Variants in PCDHGA7 observed in about 807,000 individuals in gnomAD.
PCDHGA7 encodes the protein protocadherin gamma subfamily A, 7.
PCDHGA7 carries 44 observed loss-of-function variants against 58.3 expected under a neutral mutation model. The ratio of observed to expected loss-of-function variants is 0.75; its 90% CI spans 0.59 to 0.97. PCDHGA7 has a LOEUF of 0.97. PCDHGA7 is among the 50% of genes least tolerant of loss of function. PCDHGA7 has a pLI of 0.00. For synonymous variants in PCDHGA7, 516 were observed against 504.2 expected (o/e 1.02, Z -0.31); for missense variants, 1,266 against 1,188.7 (o/e 1.06, Z -0.96).
intron 1 of PCDHGA7, among the ~76,000 whole-genome samples, chr5:141,434,831 A>T (rs1328843764): frequency 6.6e-6 from 1 of 151,904 alleles, no homozygotes; most frequent in East Asian, 1.9e-4. Flanking sequence ...TACACTTGGC[A>T]TTTATAAAGC....
rs1417754081 is a variant in PCDHGA7, at chr5:141,512,046, T to C, written c.*873T>C. 1 of 152,746 alleles carries C rather than the reference T, an allele frequency of 6.5e-6. No individual in the cohort carries two copies. Among genetic ancestry groups the C allele is most frequent in the East Asian group, 1.9e-4 (1 of 5,190 alleles). 9.5% of individuals were successfully genotyped at this position (152,746 alleles called of 1,614,324 possible). Reference sequence around the variant, plus strand: ...GCCTTGGAGGAGGCTCTGTATGTCCTCAGGGGACTGACAACATCCTCCAGA... The same window carrying C: ...GCCTTGGAGGAGGCTCTGTATGTCCCCAGGGGACTGACAACATCCTCCAGA... On this transcript the variant is annotated 3_prime_UTR_variant, in exon 4 of 4. Transcript: ENST00000518325.
intron 1 of PCDHGA7, chr5:141,408,411 C>T (rs2095101928): frequency 1.2e-6 from 2 of 1,614,034 alleles, no homozygotes; most frequent in African/African-American, 1.3e-5. Context: ...CGAGTGAGCG[C>T]GGAGAAGCTG....
At chr5:141,441,554 G>T (rs3805698) in intron 1 of PCDHGA7, 21,236 of 192,824 alleles carry the variant, frequency 0.11, 1,386 homozygotes, top group African/African-American at 0.18. Flanking sequence ...TCCATAGTGT[G>T]CAAGTAGACA....
Position 141,476,110 on chromosome 5 carries a change from G to A in PCDHGA7, c.2425-18697G>A. ...GACCCCGCTGAGAGGAACTGCTTTT[G>A]AGTGAGATGGTCCCAGAGGCCTGGA... On this transcript the variant is annotated intron_variant, in intron 1 of 3. Transcript: ENST00000518325. The surrounding 1 kb of genome is among the most constrained non-coding windows in gnomAD (Gnocchi z 7.6). 1.9e-6 allele frequency: 3 copies of A among 1,589,382 alleles called. No homozygotes were observed. The highest frequency in any genetic ancestry group is 2.6e-6 in the Non-Finnish European group (3 of 1,170,364).
chr5:141,421,174 C>T (rs2096550677), intron 1 of PCDHGA7: 2 of 1,378,742 alleles, frequency 1.5e-6, no homozygotes, highest in Non-Finnish European at 1.9e-6. Flanking sequence ...ATACATAAGC[C>T]GATTCACAAC....
chr5:141,511,373 G>T lies in PCDHGA7; in HGVS notation c.*200G>T. On this transcript the variant is annotated 3_prime_UTR_variant, in exon 4 of 4. Transcript: ENST00000518325. ...CCCCCAGGGGGTTGAATATGCAAAA[G>T]CAGTTCCGCTGGGAACCCCCATCCA... 8.0e-7 allele frequency: 1 copy of T among 1,251,332 alleles called. No homozygotes were observed. The highest frequency in any genetic ancestry group is 1.6e-5 in the South Asian group (1 of 63,796). The allele number at this position is 1,251,332 out of a possible 1,614,324, so 77.5% of individuals were successfully genotyped here.
intron 1 of PCDHGA7, chr5:141,441,955 A>G: frequency 3.1e-6 from 1 of 320,028 alleles, no homozygotes; most frequent in Non-Finnish European, 6.0e-6. Context: ...GCAGGCCAGC[A>G]AGCCCAGGCT....
At chr5:141,460,335 T>C (rs1201595717) in intron 1 of PCDHGA7, among the ~76,000 whole-genome samples, 3 of 152,194 alleles carry the variant, frequency 2.0e-5, no homozygotes, top group Non-Finnish European at 4.4e-5. Flanking sequence ...CTTATGATGA[T>C]TTTCTCCTAT....
intron 1 of PCDHGA7, chr5:141,478,378 G>A (rs1454112813): frequency 6.2e-7 from 1 of 1,613,558 alleles, no homozygotes; most frequent in Admixed American, 1.7e-5. Context: ...TGATGTCGCC[G>A]CACCTTTACC....
intron 1 of PCDHGA7, among the ~76,000 whole-genome samples, chr5:141,470,825 C>A (rs557419577): frequency 6.6e-6 from 1 of 152,182 alleles, no homozygotes; most frequent in Admixed American, 6.5e-5. Context: ...GTAGTTAGGA[C>A]GACAAACACA....
intron 1 of PCDHGA7, among the ~76,000 whole-genome samples, chr5:141,407,629 G>A (rs1025838649): frequency 1.3e-5 from 2 of 151,940 alleles, no homozygotes; most frequent in African/African-American, 4.8e-5. Context: ...TCTATATCTC[G>A]TATTACTTAA....
At position 141,485,841 on chromosome 5, in the gene PCDHGA7, C is replaced by G. The variant is rs969476505; in HGVS notation, c.2425-8966C>G. On this transcript the variant is annotated intron_variant, in intron 1 of 3. Transcript: ENST00000518325. This position sits in a 1 kb window ranked among gnomAD's most constrained non-coding sequence, Gnocchi z 5.7. Reference sequence around the variant, plus strand: ...GTCGATGGAGGGAACCCGCCGAGATCTGGCACCGCAGAGCTCCGGGTATCC... The same window carrying G: ...GTCGATGGAGGGAACCCGCCGAGATGTGGCACCGCAGAGCTCCGGGTATCC... 29 of 1,614,104 alleles carry G rather than the reference C, an allele frequency of 1.8e-5. No individual in the cohort carries two copies. The highest frequency in any genetic ancestry group is 2.2e-5 in the South Asian group (2 of 91,080).
intron 1 of PCDHGA7, among the ~76,000 whole-genome samples, chr5:141,407,122 G>A (rs987492570): frequency 3.9e-5 from 6 of 152,094 alleles, no homozygotes; most frequent in African/African-American, 1.4e-4. Context: ...GGTTTCAGTT[G>A]CTTTATTTTT....
chr5:141,403,362 G>A lies in PCDHGA7; in HGVS notation c.2424+18039G>A, dbSNP rs200979571. 157 of 1,613,944 alleles carry A rather than the reference G, an allele frequency of 9.7e-5. No homozygotes were observed. Among genetic ancestry groups the A allele is most frequent in the Admixed American group, 4.3e-4 (26 of 60,012 alleles). On this transcript the variant is annotated intron_variant, in intron 1 of 3. Transcript: ENST00000518325. ...AGCGCCCCAAAGTTCCAGGCCGAAA[G>A]TCTGGAAGTAAAAATTAACGAAATC... is the stretch of plus-strand genomic sequence containing the variant.
At chr5:141,418,718 A>G (rs1334115906) in intron 1 of PCDHGA7, 4 of 1,613,912 alleles carry the variant, frequency 2.5e-6, no homozygotes, top group Non-Finnish European at 3.4e-6. Flanking sequence ...TGTGGCTGAC[A>G]AAGCTCAGCA....
At chr5:141,469,111 T>TA (rs1275770294) in intron 1 of PCDHGA7, among the ~76,000 whole-genome samples, 1 of 151,476 alleles carries the variant, frequency 6.6e-6, no homozygotes, top group African/African-American at 2.4e-5. Context: ...AACCTGTCTC[T>TA]AAAAAAATTT....
At chr5:141,385,603 T>G (rs968822799) in intron 1 of PCDHGA7, 19 of 1,190,040 alleles carry the variant, frequency 1.6e-5, no homozygotes, top group Non-Finnish European at 2.0e-5. Flanking sequence ...CTTTCTTAAC[T>G]CATATATTTT....
intron 1 of PCDHGA7, among the ~76,000 whole-genome samples, chr5:141,458,227 G>T (rs2154566190): frequency 6.6e-6 from 1 of 152,284 alleles, no homozygotes; most frequent in South Asian, 2.1e-4. Context: ...TCCTTTCCCA[G>T]TCCATGCACC....
Position 141,421,937 on chromosome 5 carries a change from A to G in PCDHGA7, c.2424+36614A>G, listed in dbSNP as rs375878901. The G allele has an allele frequency of 1.5e-5, 25 of 1,613,402 alleles. No homozygotes were observed. In the African/African-American group the frequency reaches 1.6e-4, roughly 10 times the overall value. ...ATTCGTGTGGTGGTCCTCGATGTAA[A>G]TGATCACATCCCAATGTTTACACAG... On this transcript the variant is annotated intron_variant, in intron 1 of 3. Coordinates refer to ENST00000518325, the MANE Select transcript of PCDHGA7 (RefSeq NM_018920.4).
Sources: allele counts gnomAD v4.1 joint callset (sites outside exome capture counted in the v4.1 genomes callset), GRCh38; gene constraint gnomAD v4.1.1; non-coding constraint Gnocchi (gnomAD v3.1); transcripts MANE v1.5; gene names NCBI Gene and HGNC (gene_info 2026-07-23, HGNC 2026-07-21).